HYAL4: variants seen among roughly 807,000 people sequenced by gnomAD.
HYAL4 encodes hyaluronidase 4, also known as hyaluronidase-4.
In HYAL4, 37 loss-of-function variants were observed where a neutral mutation model predicts 35.2. The observed-to-expected ratio is 1.05, with a 90% confidence interval of 0.81 to 1.38. The LOEUF is 1.38. Among genes scored for constraint, HYAL4 ranks in the 40% most tolerant of loss-of-function variants. HYAL4 has a pLI of 0.00. For missense variants in HYAL4, 572 were observed against 572.4 expected (o/e 1.00, Z 0.01); for synonymous variants, 198 against 203.2 (o/e 0.97, Z 0.22).
chr7:123,818,397 C>G, the HYAL4 span, among the ~76,000 whole-genome samples: 1 of 152,122 alleles, frequency 6.6e-6, no homozygotes, highest in African/African-American at 2.4e-5. Flanking sequence ...CTTGTGAATT[C>G]ATACTCATTC....
chr7:123,817,596 C>T, the HYAL4 span, among the ~76,000 whole-genome samples: 2 of 150,452 alleles, frequency 1.3e-5, no homozygotes, highest in South Asian at 2.1e-4. Flanking sequence ...CTGCAACCTC[C>T]GTCTCCTGGG....
At chr7:123,847,943 G>A (rs1362990331) in intron 1 of HYAL4, 146 bp from the exon 2 acceptor site, 1 of 152,412 alleles carries the variant, frequency 6.6e-6, no homozygotes, top group Non-Finnish European at 1.5e-5. Context: ...TTTAAACTGG[G>A]TATTTTCAGA....
At chr7:123,791,557 T>C in the HYAL4 span, among the ~76,000 whole-genome samples, 1 of 152,214 alleles carries the variant, frequency 6.6e-6, no homozygotes, top group African/African-American at 2.4e-5. Context: ...GGCTTACATA[T>C]TCCCAGGAAA....
chr7:123,816,430 AGAAATTCTTGAGT>A, the HYAL4 span, among the ~76,000 whole-genome samples: 7 of 152,282 alleles, frequency 4.6e-5, no homozygotes, highest in African/African-American at 1.4e-4. Flanking sequence ...TTATTCATTG[AGAAATTCTTGAGT>A]GCCTACCTTG....
intron 1 of HYAL4, among the ~76,000 whole-genome samples, chr7:123,836,590 C>T (rs1370057394): frequency 1.3e-5 from 2 of 151,986 alleles, no homozygotes; most frequent in Admixed American, 6.6e-5. Context: ...AACGTTAGTA[C>T]AGAGATGTAA....
chr7:123,823,766 T>C, the HYAL4 span, among the ~76,000 whole-genome samples: 2 of 149,994 alleles, frequency 1.3e-5, no homozygotes, highest in East Asian at 3.9e-4. Flanking sequence ...CACACATATA[T>C]TTATATATAT....
At chr7:123,831,438 A>G (rs758796492) in intron 1 of HYAL4, among the ~76,000 whole-genome samples, 151 of 149,416 alleles carry the variant, frequency 1.0e-3, no homozygotes, top group Admixed American at 7.3e-4. Context: ...ATTTCGGAGA[A>G]CTCTTTTTTG....
the HYAL4 span, among the ~76,000 whole-genome samples, chr7:123,783,325 T>C: frequency 6.6e-6 from 1 of 152,208 alleles, no homozygotes; most frequent in Admixed American, 6.5e-5. Context: ...TTTTTATTGA[T>C]TGGTTGTTTT....
At chr7:123,819,296 A>G in the HYAL4 span, 1 of 152,536 alleles carries the variant, frequency 6.6e-6, no homozygotes, top group African/African-American at 2.4e-5. Context: ...ATCACTGACA[A>G]AATTTGACTT....
At chr7:123,775,710 T>C in the HYAL4 span, among the ~76,000 whole-genome samples, 1 of 152,208 alleles carries the variant, frequency 6.6e-6, no homozygotes, top group African/African-American at 2.4e-5. Context: ...CATCTTTAGA[T>C]GTCATCTTTA....
chr7:123,811,974 T>C, the HYAL4 span, among the ~76,000 whole-genome samples: 2 of 152,102 alleles, frequency 1.3e-5, no homozygotes, highest in South Asian at 4.1e-4. Context: ...CCTGAGTAGC[T>C]GTGATTACAG....
At chr7:123,832,621 T>C (rs1340769678) in intron 1 of HYAL4, among the ~76,000 whole-genome samples, 1 of 147,996 alleles carries the variant, frequency 6.8e-6, no homozygotes, top group East Asian at 2.1e-4. Context: ...TGCCTCAGCC[T>C]CCCGAATAAC....
intron 1 of HYAL4, among the ~76,000 whole-genome samples, chr7:123,837,967 C>T (rs964912946): frequency 3.9e-5 from 6 of 152,064 alleles, no homozygotes; most frequent in East Asian, 1.9e-4. Flanking sequence ...TGAATAGTGC[C>T]GCAATAAACA....
chr7:123,831,309 G>A (rs1805880013), intron 1 of HYAL4, among the ~76,000 whole-genome samples: 1 of 152,140 alleles, frequency 6.6e-6, no homozygotes, highest in South Asian at 2.1e-4. Context: ...CAGAAGCCAG[G>A]GCCATGATCT....
the HYAL4 span, among the ~76,000 whole-genome samples, chr7:123,807,467 C>T: frequency 7.6e-6 from 1 of 132,200 alleles, no homozygotes; most frequent in Non-Finnish European, 1.6e-5. Context: ...CAGAGTCTCG[C>T]TCTGTCACCC....
At chr7:123,803,179 C>A in the HYAL4 span, among the ~76,000 whole-genome samples, 1 of 152,184 alleles carries the variant, frequency 6.6e-6, no homozygotes, top group African/African-American at 2.4e-5. Context: ...GTCCTAGCTA[C>A]TTGGAGGGCT....
At chr7:123,872,893 T>G (rs1209591490) in intron 3 of HYAL4, among the ~76,000 whole-genome samples, 1 of 152,206 alleles carries the variant, frequency 6.6e-6, no homozygotes, top group Non-Finnish European at 1.5e-5. Flanking sequence ...AGGTGTGGCT[T>G]TCACCAGAAA....
the HYAL4 span, among the ~76,000 whole-genome samples, chr7:123,795,278 A>G: frequency 6.6e-6 from 1 of 152,180 alleles, no homozygotes; most frequent in African/African-American, 2.4e-5. Flanking sequence ...CTTGTCTCAG[A>G]TGAGACTTTG....
At chr7:123,859,717 G>A (rs1392959743) in intron 2 of HYAL4, among the ~76,000 whole-genome samples, 2 of 152,170 alleles carry the variant, frequency 1.3e-5, no homozygotes, top group Non-Finnish European at 2.9e-5. Context: ...TCCTTATACT[G>A]TAGTCAGAAT....
Sources: allele counts gnomAD v4.1 joint callset (sites outside exome capture counted in the v4.1 genomes callset), GRCh38; gene constraint gnomAD v4.1.1; transcripts MANE v1.5; gene names NCBI Gene and HGNC (gene_info 2026-07-23, HGNC 2026-07-21).